The following DGKG variants were observed in gnomAD, a reference collection of about 807,000 sequenced individuals.
DGKG encodes DAG kinase gamma.
In DGKG, 78 loss-of-function variants were observed where a neutral mutation model predicts 105.3. The ratio of observed to expected loss-of-function variants is 0.74; its 90% CI spans 0.62 to 0.89. DGKG has a LOEUF of 0.89. DGKG is among the 40% of genes least tolerant of loss of function. DGKG has a pLI of 0.00. For synonymous variants in DGKG, 346 were observed against 367.1 expected, an observed-to-expected ratio of 0.94 and a Z score of 0.66; for missense variants, 958 against 1,020.1, an observed-to-expected ratio of 0.94 and a Z score of 0.83.
intron 2 of DGKG, among the ~76,000 whole-genome samples, chr3:186,308,473 G>GT (rs991515248): frequency 1.3e-5 from 2 of 152,096 alleles, no homozygotes; most frequent in African/African-American, 4.8e-5. Context: ...CTCACACAGT[G>GT]TTTTTTGTTG....
At chr3:186,220,702 C>T (rs1041853977) in intron 20 of DGKG, among the ~76,000 whole-genome samples, 1 of 152,164 alleles carries the variant, frequency 6.6e-6, no homozygotes, top group Admixed American at 6.5e-5. Flanking sequence ...CTGGGCCTCC[C>T]CATTGGTCTC....
chr3:186,180,284 T>C (rs1717296064), intron 22 of DGKG, among the ~76,000 whole-genome samples: 1 of 152,120 alleles, frequency 6.6e-6, no homozygotes, highest in Non-Finnish European at 1.5e-5. Flanking sequence ...GTTTGGGGCA[T>C]GTTGATTTCA....
At chr3:186,250,538 G>A (rs1248886077) in intron 19 of DGKG, among the ~76,000 whole-genome samples, 5 of 133,076 alleles carry the variant, frequency 3.8e-5, no homozygotes, top group South Asian at 2.6e-4. Flanking sequence ...AGAACAAATA[G>A]TTCAATAATT....
intron 22 of DGKG, among the ~76,000 whole-genome samples, chr3:186,169,382 C>T (rs1039218723): frequency 7.9e-5 from 12 of 152,066 alleles, no homozygotes; most frequent in African/African-American, 1.2e-4. Context: ...CTTCTTTACG[C>T]TTTTTGGTAT....
At chr3:186,206,576 G>A (rs1718749962) in intron 21 of DGKG, among the ~76,000 whole-genome samples, 1 of 151,932 alleles carries the variant, frequency 6.6e-6, no homozygotes, top group African/African-American at 2.4e-5. Context: ...GTGACTCACT[G>A]TGTGCCTCCC....
intron 1 of DGKG, among the ~76,000 whole-genome samples, chr3:186,348,061 T>G (rs1334728763): frequency 6.6e-6 from 1 of 152,230 alleles, no homozygotes; most frequent in Admixed American, 6.5e-5. Context: ...CAGCACAAAA[T>G]GAGACATTCA....
At chr3:186,345,123 T>C (rs916539511) in intron 1 of DGKG, among the ~76,000 whole-genome samples, 3 of 152,364 alleles carry the variant, frequency 2.0e-5, no homozygotes, top group East Asian at 1.9e-4. Flanking sequence ...GTGAATTTGA[T>C]TCTTCACTTA....
intron 1 of DGKG, among the ~76,000 whole-genome samples, chr3:186,327,463 A>G (rs1409237888): frequency 6.7e-6 from 1 of 150,168 alleles, no homozygotes; most frequent in Non-Finnish European, 1.5e-5. Flanking sequence ...CACAGCCCAC[A>G]GCAGCCTTGA....
chr3:186,275,649 C>T lies in DGKG; in HGVS notation c.808G>A (p.Gly270Arg). 6.2e-7 allele frequency: 1 copy of T among 1,613,842 alleles called. No homozygotes were observed. The highest frequency in any genetic ancestry group is 8.5e-7 in the Non-Finnish European group (1 of 1,179,970). ...GMDDSGSKGD[G>R]RHAWTMKHFK... ...TGCTTCATGGTCCAGGCGTGCCGCCCATCCCCCTTGGAGCCCTGCAGGGGT... is the reference window on the plus strand; with the variant it reads ...TGCTTCATGGTCCAGGCGTGCCGCCTATCCCCCTTGGAGCCCTGCAGGGGT... Residue 270 changes from glycine (G) to arginine (R), a missense_variant, in exon 10 of 25, where the codon GGG (glycine) becomes AGG (arginine). Gly to Arg is a moderately radical substitution (Grantham distance 125). This residue lies in a region of DGKG where 643 missense variants were observed against 619.5 expected (regional missense o/e 1.04). Coordinates refer to ENST00000265022, the MANE Select transcript of DGKG (RefSeq NM_001346.3).
intron 22 of DGKG, 116 bp from the exon 23 acceptor site, chr3:186,165,134 A>G: frequency 4.5e-6 from 5 of 1,121,562 alleles, no homozygotes. Flanking sequence ...ATCTCCCACC[A>G]AACACCTTTT....
At chr3:186,248,406 C>T (rs1721049001) in intron 19 of DGKG, among the ~76,000 whole-genome samples, 1 of 152,248 alleles carries the variant, frequency 6.6e-6, no homozygotes, top group Non-Finnish European at 1.5e-5. Context: ...TCCTTGCTTC[C>T]CTCTCCATTT....
At chr3:186,248,177 C>T (rs1463682039) in intron 19 of DGKG, among the ~76,000 whole-genome samples, 2 of 152,226 alleles carry the variant, frequency 1.3e-5, no homozygotes, top group African/African-American at 4.8e-5. Flanking sequence ...CTAAGGAGGG[C>T]CATCTTATAC....
At chr3:186,250,554 A>ATTTTTTTTTTTTTTTTTTTTTTTTT (rs1165295513) in intron 19 of DGKG, among the ~76,000 whole-genome samples, 1 of 27,620 alleles carries the variant, frequency 3.6e-5, no homozygotes, top group African/African-American at 8.3e-5. Context: ...TAATTCTGTC[A>ATTTTTTTTTTTTTTTTTTTTTTTTT]TTCTTTTTTT....
At chr3:186,177,972 A>G (rs1717166445) in intron 22 of DGKG, among the ~76,000 whole-genome samples, 1 of 152,234 alleles carries the variant, frequency 6.6e-6, no homozygotes, top group Admixed American at 6.5e-5. Flanking sequence ...TTAGGAACAT[A>G]ATCATATTAT....
Position 186,306,995 on chromosome 3 carries a change from A to G in DGKG, c.68-18T>C, listed in dbSNP as rs111967395. ...GGAGGAATCTGAAGAGACACAATTC[A>G]CATGTGAAACACTGGCAAATAGCTA... On this transcript the variant is annotated intron_variant, in intron 2 of 24. Coordinates refer to ENST00000265022, the MANE Select transcript of DGKG (RefSeq NM_001346.3). The G allele has an allele frequency of 2.6e-6, 4 of 1,553,066 alleles. No homozygotes were observed. The highest frequency in any genetic ancestry group is 2.7e-6 in the Non-Finnish European group (3 of 1,125,332).
chr3:186,208,286 C>T (rs1046014817), intron 21 of DGKG, among the ~76,000 whole-genome samples: 4 of 152,156 alleles, frequency 2.6e-5, no homozygotes, highest in African/African-American at 7.2e-5. Flanking sequence ...AGGTGATCCA[C>T]CCACCTTGGC....
chr3:186,306,595 A>G (rs530636009), intron 3 of DGKG: 1 of 287,344 alleles, frequency 3.5e-6, no homozygotes, highest in East Asian at 7.2e-5. Flanking sequence ...CTTGTGAAAG[A>G]TCTGTTCTGT....
intron 24 of DGKG, among the ~76,000 whole-genome samples, chr3:186,155,911 A>T (rs1716011327): frequency 6.6e-6 from 1 of 152,170 alleles, no homozygotes; most frequent in Non-Finnish European, 1.5e-5. Flanking sequence ...TTTTTTAAAA[A>T]CTTGTGATAT....
Position 186,148,299 on chromosome 3 carries a change from G to A in DGKG, c.*1791C>T, listed in dbSNP as rs945673486. 1 of 985,476 alleles carries A rather than the reference G, an allele frequency of 1.0e-6. No individual in the cohort carries two copies. The allele number at this position is 985,476 out of a possible 1,614,324, so 61.0% of individuals were successfully genotyped here. The stretch of plus-strand genomic sequence containing the variant: ...GTCCTTCTTGTGACTCTCCACTGAG[G>A]TCATCCCTGCAGCCAAGGTTGTTTC... On this transcript the variant is annotated 3_prime_UTR_variant, in exon 25 of 25. Transcript: ENST00000265022.
Sources: gnomAD v4.1 joint callset for allele counts (sites outside exome capture counted in the v4.1 genomes callset) on GRCh38, gnomAD v4.1.1 for gene constraint, gnomAD v4.1.1 regional missense constraint, MANE v1.5 for transcripts, NCBI Gene and HGNC (gene_info 2026-07-23, HGNC 2026-07-21) for gene names.